Variants in PKN3 observed in about 807,000 individuals in gnomAD.
PKN3 encodes the protein protein kinase N3, also known as serine/threonine-protein kinase N3.
Under a neutral mutation model 113.1 loss-of-function variants are expected in PKN3, and 91 were observed. The ratio of observed to expected loss-of-function variants is 0.80; its 90% CI spans 0.68 to 0.96. The LOEUF is 0.96. Ranked by LOEUF, PKN3 falls within the 40% of genes least tolerant of loss-of-function variation. The pLI, the probability that PKN3 is intolerant of heterozygous loss-of-function variation, is 0.00. For synonymous variants in PKN3, 467 were observed against 499.0 expected (o/e 0.94, Z 0.85); for missense variants, 1,052 against 1,202.2 (o/e 0.88, Z 1.85).
At chr9:128,709,269 G>A (rs1158575972) in intron 6 of PKN3, among the ~76,000 whole-genome samples, 1 of 145,518 alleles carries the variant, frequency 6.9e-6, no homozygotes, top group African/African-American at 2.5e-5. Flanking sequence ...CTGGGCCACA[G>A]CGAGACTCTG....
chr9:128,712,787 C>G (rs1161483585), intron 6 of PKN3, among the ~76,000 whole-genome samples: 1 of 152,016 alleles, frequency 6.6e-6, no homozygotes, highest in East Asian at 1.9e-4. Context: ...TCGGAGGCCT[C>G]CTAGGGTGTC....
In PKN3 at chr9:128,705,487, A is replaced by AGCT; in HGVS notation, c.212_214dup (p.Leu71dup). 1 of 1,560,356 alleles carries AGCT rather than the reference A, an allele frequency of 6.4e-7. No homozygotes were observed. Among genetic ancestry groups the AGCT allele is most frequent in the Middle Eastern group, 1.7e-4 (1 of 5,860 alleles). Reference sequence around the variant, plus strand: ...CGCCGCCTGGAGCAGCTGCATGGCGAGCTGCGGGAGCTGCACGCCCGAATC... The same window carrying AGCT: ...CGCCGCCTGGAGCAGCTGCATGGCGAGCTGCTGCGGGAGCTGCACGCCCGAATC... On this transcript the variant is annotated inframe_insertion, in exon 2 of 22. Coordinates refer to ENST00000291906, the MANE Select transcript of PKN3 (RefSeq NM_013355.5).
chr9:128,710,279 A>G (rs1389309506), intron 6 of PKN3, among the ~76,000 whole-genome samples: 1 of 151,872 alleles, frequency 6.6e-6, no homozygotes, highest in Non-Finnish European at 1.5e-5. Flanking sequence ...TTGTAGCAGC[A>G]GCCAAATCAT....
At position 128,705,862 on chromosome 9, in the gene PKN3, G is replaced by A. The variant is rs746744914; in HGVS notation, c.394G>A (p.Ala132Thr). 10 of 1,597,724 alleles carry A rather than the reference G, an allele frequency of 6.3e-6. No homozygotes were observed. Among genetic ancestry groups the A allele is most frequent in the Middle Eastern group, 1.7e-4 (1 of 6,042 alleles). Residue 132 changes from alanine (A) to threonine (T), a missense_variant, in exon 3 of 22, where the codon GCC (alanine) becomes ACC (threonine). By Grantham distance (58) the Ala-to-Thr change is moderately conservative (BLOSUM62 0). This residue lies in a region of PKN3 where 719 missense variants were observed against 759.4 expected (regional missense o/e 0.95). Transcript: ENST00000291906. ...GGCTGAGAACATGACCCACACGTGC[G>A]CCAGTGGCACCCCCAAGGTAAGGCC... is the stretch of plus-strand genomic sequence containing the variant. ...QGAENMTHTC[A>T]SGTPKERKLL...
At position 128,716,740 on chromosome 9, in the gene PKN3, C is replaced by A. The variant is rs771680594; in HGVS notation, c.1809-7C>A. 2.5e-6 allele frequency: 4 copies of A among 1,612,956 alleles called. No individual in the cohort carries two copies. The South Asian group carries it at 4.4e-5, about 18-fold the overall frequency. On this transcript the variant is annotated splice_polypyrimidine_tract_variant and splice_region_variant and intron_variant, in intron 15 of 21. Coordinates refer to ENST00000291906, the MANE Select transcript of PKN3 (RefSeq NM_013355.5). Reference sequence around the variant, plus strand: ...CTTCCCTCTAATACTCTTGCTCTCTCCTGTAGCCTGTACTGCGAGAAGCGG... The same window carrying A: ...CTTCCCTCTAATACTCTTGCTCTCTACTGTAGCCTGTACTGCGAGAAGCGG...
At position 128,716,730 on chromosome 9, in the gene PKN3, C is replaced by G; in HGVS notation, c.1809-17C>G. 1.2e-6 allele frequency: 2 copies of G among 1,611,116 alleles called. No homozygotes were observed. The highest frequency in any genetic ancestry group is 1.7e-6 in the Non-Finnish European group (2 of 1,177,890). ...GAAAGTTTTCCTTCCCTCTAATACT[C>G]TTGCTCTCTCCTGTAGCCTGTACTG... is the stretch of plus-strand genomic sequence containing the variant. On this transcript the variant is annotated splice_polypyrimidine_tract_variant and intron_variant, in intron 15 of 21. Transcript: ENST00000291906.
At position 128,706,813 on chromosome 9, in the gene PKN3, C is replaced by A; in HGVS notation, c.512C>A (p.Ser171Tyr). 2 of 1,610,360 alleles carry A rather than the reference C, an allele frequency of 1.2e-6. No homozygotes were observed. Among genetic ancestry groups the A allele is most frequent in the South Asian group, 1.1e-5 (1 of 90,924 alleles). ...MKISSLEASGSPEPGPELLAE... is the reference protein window; with the variant it reads ...MKISSLEASGYPEPGPELLAE... Reference sequence around the variant, plus strand: ...ATCAGCAGCCTGGAGGCCAGTGGGTCCCCGGAGCCAGGTGAGGCCTTGAGA... The same window carrying A: ...ATCAGCAGCCTGGAGGCCAGTGGGTACCCGGAGCCAGGTGAGGCCTTGAGA... The change falls in exon 4 of 22, where the codon TCC becomes TAC. Residue 171 changes from serine to tyrosine, a missense_variant. Ser to Tyr is a moderately radical substitution (Grantham distance 144). Around this residue, in one of 2 missense-constraint regions of PKN3, gnomAD observed 719 missense variants for 759.4 expected, o/e 0.95. Coordinates refer to ENST00000291906, the MANE Select transcript of PKN3 (RefSeq NM_013355.5).
At chr9:128,708,580 C>G (rs1589479942) in intron 6 of PKN3, among the ~76,000 whole-genome samples, 1 of 151,848 alleles carries the variant, frequency 6.6e-6, no homozygotes, top group Admixed American at 6.6e-5. Context: ...CACAGTGGCT[C>G]AAGCCTGTAA....
chr9:128,706,990 C>A lies in PKN3; in HGVS notation c.618C>A (p.Ser206Arg). 6.2e-7 allele frequency: 1 copy of A among 1,614,186 alleles called. No homozygotes were observed. The highest frequency in any genetic ancestry group is 8.5e-7 in the Non-Finnish European group (1 of 1,180,018). Reference protein sequence around the residue: ...GAKNVVKLLSSRRTQDRKALA... With the variant: ...GAKNVVKLLSRRRTQDRKALA... ...AGAACGTGGTGAAACTGCTTAGTAG[C>A]CGGAGAACACAGGACCGCAAGGCAC... Residue 206 changes from serine to arginine, a missense_variant, in exon 5 of 22, where the codon AGC becomes AGA. Ser to Arg is a moderately radical substitution (Grantham distance 110). This residue lies in a region of PKN3 where 719 missense variants were observed against 759.4 expected (regional missense o/e 0.95). Transcript: ENST00000291906.
intron 6 of PKN3, 149 bp downstream of exon 6, chr9:128,707,554 C>T: frequency 1.5e-6 from 1 of 661,356 alleles, no homozygotes. Context: ...ATTCCTTCTT[C>T]AAACCTCAGT....
chr9:128,706,880 G>A lies in PKN3; in HGVS notation c.524-16G>A, dbSNP rs755244370. On this transcript the variant is annotated splice_polypyrimidine_tract_variant and intron_variant, in intron 4 of 21. Coordinates refer to ENST00000291906, the MANE Select transcript of PKN3 (RefSeq NM_013355.5). Reference sequence around the variant, plus strand: ...CAGGGAAGAGCAGGGCCTGAGAGCCGCCGTCCTTCCCACAGGGCCTGAGCT... The same window carrying A: ...CAGGGAAGAGCAGGGCCTGAGAGCCACCGTCCTTCCCACAGGGCCTGAGCT... The A allele has an allele frequency of 1.1e-5, 18 of 1,613,728 alleles. No individual in the cohort carries two copies. The African/African-American group carries it at 1.6e-4, about 14-fold the overall frequency.
intron 6 of PKN3, among the ~76,000 whole-genome samples, chr9:128,708,264 C>T (rs187773222): frequency 6.6e-6 from 1 of 151,912 alleles, no homozygotes; most frequent in Admixed American, 6.6e-5. Flanking sequence ...TGCCTGTAGT[C>T]CCAGCCACTC....
At chr9:128,705,585 G>A in intron 2 of PKN3, 42 bp downstream of exon 2, 1 of 1,547,262 alleles carries the variant, frequency 6.5e-7, no homozygotes, top group Non-Finnish European at 8.7e-7. Context: ...GAAGGCTCTA[G>A]GCCCATCTGG....
intron 1 of PKN3, among the ~76,000 whole-genome samples, chr9:128,704,895 G>A (rs1277042535): frequency 6.7e-6 from 1 of 149,788 alleles, no homozygotes; most frequent in Non-Finnish European, 1.5e-5. Flanking sequence ...TCCAGCCTGG[G>A]CAACAAGAGC....
At position 128,714,119 on chromosome 9, in the gene PKN3, G is replaced by A; in HGVS notation, c.1310G>A (p.Arg437Lys). Residue 437 changes from arginine to lysine, a missense_variant and splice_region_variant, in exon 10 of 22, where the codon AGA becomes AAA. Transcript: ENST00000291906. Reference sequence around the variant, plus strand: ...CAGGAACGCATCTTCTCTAAACGCAGAGGTGTGGAGGGAATGGGGGCTATG... The same window carrying A: ...CAGGAACGCATCTTCTCTAAACGCAAAGGTGTGGAGGGAATGGGGGCTATG... ...QRQERIFSKRRGQDFLRASQM... is the reference protein window; with the variant it reads ...QRQERIFSKRKGQDFLRASQM... 6.2e-7 allele frequency: 1 copy of A among 1,614,112 alleles called. No individual in the cohort carries two copies. The highest frequency in any genetic ancestry group is 8.5e-7 in the Non-Finnish European group (1 of 1,179,984).
chr9:128,705,430 G>A lies in PKN3; in HGVS notation c.152G>A (p.Gly51Asp), dbSNP rs1476382208. 4 of 1,589,914 alleles carry A rather than the reference G, an allele frequency of 2.5e-6. No individual in the cohort carries two copies. The highest frequency in any genetic ancestry group is 1.1e-5 in the South Asian group (1 of 87,874). Residue 51 changes from glycine (G) to aspartate (D), a missense_variant, in exon 2 of 22, where the codon GGC becomes GAC. Gly to Asp is a moderately conservative substitution (Grantham distance 94, BLOSUM62 -1). Transcript: ENST00000291906. ...GTGGCCACAGACCGCCGCCACTTGGGCCATGTGCAGCAGCTGCTGCGGTCC... is the reference window on the plus strand; with the variant it reads ...GTGGCCACAGACCGCCGCCACTTGGACCATGTGCAGCAGCTGCTGCGGTCC... ...RRVATDRRHL[G>D]HVQQLLRSSN...
intron 6 of PKN3, among the ~76,000 whole-genome samples, chr9:128,710,210 G>A (rs1862137349): frequency 6.6e-6 from 1 of 151,746 alleles, no homozygotes; most frequent in Non-Finnish European, 1.5e-5. Context: ...GGACAGGTGT[G>A]AGCCACCGCG....
intron 12 of PKN3, 63 bp downstream of exon 12, chr9:128,714,727 G>T: frequency 6.7e-7 from 1 of 1,495,738 alleles, no homozygotes. Context: ...CCACCCAGCT[G>T]TGGGGTGGCA....
rs376483252 is a variant in PKN3, at chr9:128,714,131, G to A, written c.1312+10G>A. 25 of 1,613,990 alleles carry A rather than the reference G, an allele frequency of 1.5e-5. No individual in the cohort carries two copies. Among genetic ancestry groups the A allele is most frequent in the African/African-American group, 4.0e-5 (3 of 74,910 alleles). On this transcript the variant is annotated intron_variant, in intron 10 of 21. Transcript: ENST00000291906. ...TTCTCTAAACGCAGAGGTGTGGAGG[G>A]AATGGGGGCTATGTGTGAGGGAGCA...
Sources: allele counts gnomAD v4.1 joint callset (sites outside exome capture counted in the v4.1 genomes callset), GRCh38; gene constraint gnomAD v4.1.1; regional missense constraint gnomAD v4.1.1; transcripts MANE v1.5; gene names NCBI Gene and HGNC (gene_info 2026-07-23, HGNC 2026-07-21).